Variants in AUTS2 observed in about 807,000 individuals in gnomAD.
AUTS2 encodes the protein activator of transcription and developmental regulator AUTS2, also known as autism susceptibility gene 2 protein.
In AUTS2, 17 loss-of-function variants were observed where a neutral mutation model predicts 112.4. That is an observed-to-expected ratio of 0.15 (90% CI 0.10 to 0.23). The LOEUF (loss-of-function observed/expected upper bound fraction) is 0.23. Among genes scored for constraint, AUTS2 ranks in the 10% least tolerant of loss-of-function variants. The pLI, the probability that AUTS2 is intolerant of heterozygous loss-of-function variation, is 1.00. For synonymous variants in AUTS2, 751 were observed against 702.7 expected, an observed-to-expected ratio of 1.07 and a Z score of -1.09; for missense variants, 1,510 against 1,701.6, an observed-to-expected ratio of 0.89 and a Z score of 1.98.
intron 5 of AUTS2, among the ~76,000 whole-genome samples, chr7:70,577,794 A>G (rs148382091): frequency 7.8e-4 from 116 of 148,920 alleles, no homozygotes; most frequent in African/African-American, 2.4e-3. Context: ...TTTTGTTCAT[A>G]TGTGTTTTAT....
chr7:70,070,877 GAAAAAAA>G (rs549466401), intron 2 of AUTS2, among the ~76,000 whole-genome samples: 2 of 100,918 alleles, frequency 2.0e-5, no homozygotes, highest in Non-Finnish European at 2.0e-5. Flanking sequence ...GACTCCATCT[GAAAAAAA>G]AAAAAAAAAG....
Position 70,627,977 on chromosome 7 carries a change from C to G in AUTS2, c.691-70592C>G, listed in dbSNP as rs564859893. ...CCCTGAAAGTTGCATGGAAGCTTGCCGGGATACTCTTTCCCCGTCTTTCAC... is the reference window on the plus strand; with the variant it reads ...CCCTGAAAGTTGCATGGAAGCTTGCGGGGATACTCTTTCCCCGTCTTTCAC... On this transcript the variant is annotated intron_variant, in intron 5 of 18. Coordinates refer to ENST00000342771, the MANE Select transcript of AUTS2 (RefSeq NM_015570.4). Among the ~76,000 whole-genome samples the G allele has an allele frequency of 5.3e-5, 8 of 152,064 alleles. 1 individual carries two copies. Among genetic ancestry groups the G allele is most frequent in the Admixed American group, 5.2e-4 (8 of 15,262 alleles).
At chr7:70,512,264 A>G (rs1799226551) in intron 5 of AUTS2, among the ~76,000 whole-genome samples, 1 of 152,232 alleles carries the variant, frequency 6.6e-6, no homozygotes, top group South Asian at 2.1e-4. Context: ...TTAGCCACAT[A>G]GAGGCCTTTG....
At chr7:70,644,826 C>T (rs1314113666) in intron 5 of AUTS2, among the ~76,000 whole-genome samples, 1 of 152,160 alleles carries the variant, frequency 6.6e-6, no homozygotes, top group Non-Finnish European at 1.5e-5. Flanking sequence ...GTATATTCCT[C>T]ACCTGGCCCA....
chr7:70,609,111 A>G (rs1410948772), intron 5 of AUTS2, among the ~76,000 whole-genome samples: 3 of 152,144 alleles, frequency 2.0e-5, no homozygotes, highest in Non-Finnish European at 4.4e-5. Flanking sequence ...AGTGATTTCT[A>G]AGAATACAAT....
At chr7:70,504,574 G>A (rs867243538) in intron 5 of AUTS2, among the ~76,000 whole-genome samples, 2 of 152,294 alleles carry the variant, frequency 1.3e-5, no homozygotes, top group Middle Eastern at 6.8e-3. Context: ...GCACCGAGGA[G>A]CAGTAGCTGT....
At chr7:69,851,889 T>C (rs1273136491) in intron 1 of AUTS2, among the ~76,000 whole-genome samples, 1 of 152,224 alleles carries the variant, frequency 6.6e-6, no homozygotes. Flanking sequence ...TTTTTGGGAT[T>C]TTTGTAAGCA....
At position 70,789,866 on chromosome 7, in the gene AUTS2, G is replaced by C; in HGVS notation, c.2650G>C (p.Ala884Pro). The change falls in exon 19 of 19, where the codon GCT (alanine) becomes CCT (proline). Residue 884 changes from alanine (A) to proline (P), a missense_variant. By Grantham distance (27) the Ala-to-Pro change is conservative. Coordinates refer to ENST00000342771, the MANE Select transcript of AUTS2 (RefSeq NM_015570.4). Reference protein sequence around the residue: ...EQIRAHLNTEAREKDKPKERE... With the variant: ...EQIRAHLNTEPREKDKPKERE... Reference sequence around the variant, plus strand: ...GATCCGGGCTCATCTGAACACTGAGGCTCGGGAGAAGGACAAACCCAAAGA... The same window carrying C: ...GATCCGGGCTCATCTGAACACTGAGCCTCGGGAGAAGGACAAACCCAAAGA... 1.2e-6 allele frequency: 2 copies of C among 1,614,148 alleles called. No homozygotes were observed. Among genetic ancestry groups the C allele is most frequent in the Non-Finnish European group, 1.7e-6 (2 of 1,180,030 alleles).
Position 70,631,702 on chromosome 7 carries a change from T to G in AUTS2, c.691-66867T>G, listed in dbSNP as rs1805270850. Among the ~76,000 whole-genome samples the G allele has an allele frequency of 6.6e-6, 1 of 152,180 alleles. No individual in the cohort carries two copies. Among genetic ancestry groups the G allele is most frequent in the African/African-American group, 2.4e-5 (1 of 41,452 alleles). The stretch of plus-strand genomic sequence containing the variant: ...ACAGTCAGCACCATTTATAGCCCCA[T>G]GTCCCCAACCTTAGCCTTTGCACGG... On this transcript the variant is annotated intron_variant, in intron 5 of 18. Transcript: ENST00000342771. The surrounding 1 kb of genome is among the most constrained non-coding windows in gnomAD (Gnocchi z 4.5).
In AUTS2 at chr7:70,067,962, A is replaced by G. The variant is rs1228861514; in HGVS notation, c.523-50170A>G. Among the ~76,000 whole-genome samples, 7 of 152,202 alleles carry G rather than the reference A, an allele frequency of 4.6e-5. No homozygotes were observed. In the East Asian group the frequency reaches 1.3e-3, roughly 29 times the overall value. On this transcript the variant is annotated intron_variant, in intron 2 of 18. Coordinates refer to ENST00000342771, the MANE Select transcript of AUTS2 (RefSeq NM_015570.4). Reference sequence around the variant, plus strand: ...TTTTCTATTTTGGAATATTATGCAGAGGTTAAATAATAAGTGCACATAATA... The same window carrying G: ...TTTTCTATTTTGGAATATTATGCAGGGGTTAAATAATAAGTGCACATAATA...
chr7:70,237,189 C>T (rs1812372561), intron 4 of AUTS2, among the ~76,000 whole-genome samples: 1 of 152,112 alleles, frequency 6.6e-6, no homozygotes, highest in Non-Finnish European at 1.5e-5. Flanking sequence ...GTAATAGGTG[C>T]TCAATAAAAA....
At chr7:70,117,137 G>GTTTTTTTT (rs541747935) in intron 2 of AUTS2, among the ~76,000 whole-genome samples, 2 of 61,996 alleles carry the variant, frequency 3.2e-5, no homozygotes, top group Non-Finnish European at 6.9e-5. Flanking sequence ...GTTTTTTTTT[G>GTTTTTTTT]TTTTTTTTTT....
intron 5 of AUTS2, among the ~76,000 whole-genome samples, chr7:70,645,662 C>T (rs188710063): frequency 6.6e-5 from 10 of 152,216 alleles, no homozygotes; most frequent in Admixed American, 4.6e-4. Flanking sequence ...CTTCTGACAG[C>T]GCAGCTTTTA....
intron 5 of AUTS2, among the ~76,000 whole-genome samples, chr7:70,494,916 T>C (rs1798390761): frequency 6.6e-6 from 1 of 152,000 alleles, no homozygotes; most frequent in African/African-American, 2.4e-5. Context: ...CCCTCCAGAG[T>C]TAGGTGTGGA....
chr7:70,700,601 AG>A (rs1213243238), intron 6 of AUTS2, among the ~76,000 whole-genome samples: 1 of 150,348 alleles, frequency 6.7e-6, no homozygotes, highest in Admixed American at 6.7e-5. Context: ...AAAGAGATTA[AG>A]GGGGGTGTGG....
At chr7:70,232,684 G>T (rs1812120466) in intron 4 of AUTS2, among the ~76,000 whole-genome samples, 1 of 152,196 alleles carries the variant, frequency 6.6e-6, no homozygotes. Flanking sequence ...CCAGCCTGGG[G>T]TCTTGCTTTT....
chr7:69,921,762 TAAA>T (rs35008506), intron 2 of AUTS2, among the ~76,000 whole-genome samples: 11 of 100,556 alleles, frequency 1.1e-4, no homozygotes, highest in Admixed American at 1.2e-4. Flanking sequence ...ACTCTGTCTT[TAAA>T]AAAAAAAAAA....
intron 4 of AUTS2, among the ~76,000 whole-genome samples, chr7:70,305,755 T>G (rs1789464790): frequency 6.6e-6 from 1 of 152,220 alleles, no homozygotes; most frequent in Non-Finnish European, 1.5e-5. Context: ...TATGTTGACA[T>G]AGAGCAAGTT....
Position 70,790,278 on chromosome 7 carries a change from C to T in AUTS2, c.3062C>T (p.Ser1021Leu). Reference protein sequence around the residue: ...SSSVHPGPLASMPMTVGVTGI... With the variant: ...SSSVHPGPLALMPMTVGVTGI... ...AGCGTGCACCCGGGGCCCCTGGCCTCGATGCCCATGACGGTGGGGGTGACG... is the reference window on the plus strand; with the variant it reads ...AGCGTGCACCCGGGGCCCCTGGCCTTGATGCCCATGACGGTGGGGGTGACG... Residue 1021 changes from serine (S) to leucine (L), a missense_variant, in exon 19 of 19, where the codon TCG becomes TTG. By Grantham distance (145) the Ser-to-Leu change is moderately radical (BLOSUM62 -2). Around this residue, in one of 3 missense-constraint regions of AUTS2, gnomAD observed 788 missense variants for 797.6 expected, o/e 0.99. Transcript: ENST00000342771. This position sits in a 1 kb window ranked among gnomAD's most constrained non-coding sequence, Gnocchi z 7.6. 3.1e-6 allele frequency: 5 copies of T among 1,613,340 alleles called. No homozygotes were observed. The highest frequency in any genetic ancestry group is 4.2e-6 in the Non-Finnish European group (5 of 1,179,936).
Sources: gnomAD v4.1 joint callset for allele counts (sites outside exome capture counted in the v4.1 genomes callset) on GRCh38, gnomAD v4.1.1 for gene constraint, gnomAD v4.1.1 regional missense constraint, Gnocchi (gnomAD v3.1) non-coding constraint, MANE v1.5 for transcripts, NCBI Gene and HGNC (gene_info 2026-07-23, HGNC 2026-07-21) for gene names.